Variants in IQCM observed in about 807,000 individuals in gnomAD.
IQCM encodes IQ domain-containing protein M.
Under a neutral mutation model 57.6 loss-of-function variants are expected in IQCM, and 45 were observed. That is an observed-to-expected ratio of 0.78 (90% CI 0.62 to 1.00). IQCM has a LOEUF of 1.00. Among genes scored for constraint, IQCM ranks in the 50% least tolerant of loss-of-function variants. IQCM has a pLI of 0.00. For synonymous variants in IQCM, 148 were observed against 158.9 expected (o/e 0.93, Z 0.51); for missense variants, 468 against 511.6 (o/e 0.91, Z 0.82).
At chr4:149,531,715 A>G (rs1746766707) in intron 12 of IQCM, among the ~76,000 whole-genome samples, 1 of 152,122 alleles carries the variant, frequency 6.6e-6, no homozygotes, top group East Asian at 1.9e-4. Flanking sequence ...ATCAGTTTTT[A>G]AAATTAGTTA....
chr4:149,691,743 A>ATCAAGAGATTACAG (rs1353338554), intron 5 of IQCM: 8 of 152,188 alleles, frequency 5.3e-5, no homozygotes, highest in African/African-American at 1.7e-4. Context: ...CTCACATCTG[A>ATCAAGAGATTACAG]ATACACTTGG....
At chr4:149,776,531 A>G (rs998139752) in intron 2 of IQCM, among the ~76,000 whole-genome samples, 8 of 152,218 alleles carry the variant, frequency 5.3e-5, no homozygotes, top group Non-Finnish European at 1.2e-4. Flanking sequence ...TGAAAGAAAC[A>G]TGGTTCTTCT....
chr4:149,666,760 ACTGAGG>A (rs1035905861), intron 7 of IQCM, among the ~76,000 whole-genome samples: 1 of 152,004 alleles, frequency 6.6e-6, no homozygotes, highest in African/African-American at 2.4e-5. Flanking sequence ...GTCTGCCATT[ACTGAGG>A]CTTGAGTAGG....
intron 12 of IQCM, among the ~76,000 whole-genome samples, chr4:149,476,489 G>A (rs1403372693): frequency 6.6e-6 from 1 of 152,116 alleles, no homozygotes; most frequent in Admixed American, 6.6e-5. Context: ...CAAGTTGTAA[G>A]ACTGGGATAT....
At chr4:149,489,856 TCTC>T (rs1026406535) in intron 12 of IQCM, among the ~76,000 whole-genome samples, 1 of 151,822 alleles carries the variant, frequency 6.6e-6, no homozygotes, top group African/African-American at 2.4e-5. Flanking sequence ...CTATTGAAAT[TCTC>T]CTAAGCACAA....
At chr4:149,433,305 C>T in intron 13 of IQCM, 91 bp downstream of exon 13, 1 of 538,738 alleles carries the variant, frequency 1.9e-6, no homozygotes, top group Non-Finnish European at 2.8e-6. Flanking sequence ...TGTATCATCC[C>T]ACATCATCTA....
intron 8 of IQCM, among the ~76,000 whole-genome samples, chr4:149,613,692 T>C (rs1255609020): frequency 6.6e-6 from 1 of 152,044 alleles, no homozygotes; most frequent in Non-Finnish European, 1.5e-5. Flanking sequence ...TAACATTAGG[T>C]ATATCTCCTA....
intron 7 of IQCM, among the ~76,000 whole-genome samples, chr4:149,677,883 TTGC>T (rs1408665643): frequency 1.1e-4 from 16 of 151,972 alleles, no homozygotes; most frequent in African/African-American, 3.6e-4. Flanking sequence ...ATAAATATAT[TTGC>T]TGAACTGAAA....
At chr4:149,651,122 G>C (rs1759135999) in intron 7 of IQCM, among the ~76,000 whole-genome samples, 1 of 152,150 alleles carries the variant, frequency 6.6e-6, no homozygotes, top group South Asian at 2.1e-4. Flanking sequence ...GGAAGTGAAA[G>C]AAGAGGAAGT....
At chr4:149,750,186 A>T (rs1768298949) in intron 2 of IQCM, among the ~76,000 whole-genome samples, 2 of 152,286 alleles carry the variant, frequency 1.3e-5, no homozygotes, top group South Asian at 2.1e-4. Flanking sequence ...GACCATAATT[A>T]TCCAATGAGG....
At chr4:149,502,925 T>A (rs1579285469) in intron 12 of IQCM, among the ~76,000 whole-genome samples, 2 of 151,404 alleles carry the variant, frequency 1.3e-5, no homozygotes, top group African/African-American at 2.4e-5. Context: ...CCAGAAAAAA[T>A]TTGATTAAAA....
intron 5 of IQCM, among the ~76,000 whole-genome samples, chr4:149,690,226 T>C (rs1394387645): frequency 6.6e-6 from 1 of 152,006 alleles, no homozygotes; most frequent in Non-Finnish European, 1.5e-5. Context: ...ACACACACAA[T>C]GGAATATTAC....
intron 13 of IQCM, among the ~76,000 whole-genome samples, chr4:149,409,768 C>A (rs537905700): frequency 6.6e-6 from 1 of 152,250 alleles, no homozygotes; most frequent in Non-Finnish European, 1.5e-5. Context: ...GCAGCAAAAG[C>A]CTCGGTAGTG....
intron 10 of IQCM, among the ~76,000 whole-genome samples, chr4:149,554,890 G>C (rs1012712722): frequency 6.6e-6 from 1 of 150,650 alleles, no homozygotes; most frequent in East Asian, 2.0e-4. Flanking sequence ...TAGTAGAGAC[G>C]GGGTTTCACC....
At chr4:149,481,855 T>C (rs1052652093) in intron 12 of IQCM, among the ~76,000 whole-genome samples, 1 of 151,710 alleles carries the variant, frequency 6.6e-6, no homozygotes. Flanking sequence ...TGTAGATTGC[T>C]TTGGGTAGTA....
intron 13 of IQCM, among the ~76,000 whole-genome samples, chr4:149,398,976 C>A (rs1197790394): frequency 1.3e-5 from 2 of 152,078 alleles, no homozygotes; most frequent in Non-Finnish European, 2.9e-5. Context: ...CTTAAGTGAT[C>A]TTCCTGCCTC....
Position 149,661,721 on chromosome 4 carries a change from T to C in IQCM, c.565+20397A>G, listed in dbSNP as rs536078650. On this transcript the variant is annotated intron_variant, in intron 7 of 13. Transcript: ENST00000636793. ...AGGAATTTATATGTTTCTTCTATAT[T>C]ATCAAATTTGTTGAGGTATAGTTGT... Among the ~76,000 whole-genome samples, 13 of 152,256 alleles carry C rather than the reference T, an allele frequency of 8.5e-5. No homozygotes were observed. In the South Asian group the frequency reaches 2.7e-3, roughly 32 times the overall value.
intron 12 of IQCM, among the ~76,000 whole-genome samples, chr4:149,442,579 C>A (rs986230393): frequency 2.6e-5 from 4 of 152,100 alleles, no homozygotes; most frequent in African/African-American, 9.7e-5. Flanking sequence ...TAACAAGAAT[C>A]TCTTCTCGTC....
chr4:149,422,967 A>G (rs1041425407), intron 13 of IQCM, among the ~76,000 whole-genome samples: 1 of 152,094 alleles, frequency 6.6e-6, no homozygotes, highest in Non-Finnish European at 1.5e-5. Flanking sequence ...AAATTTATGC[A>G]TAAAATATTG....
Sources: gnomAD v4.1 joint callset for allele counts (sites outside exome capture counted in the v4.1 genomes callset) on GRCh38, gnomAD v4.1.1 for gene constraint, MANE v1.5 for transcripts, NCBI Gene and HGNC (gene_info 2026-07-23, HGNC 2026-07-21) for gene names.